Variants in DIAPH3 observed in about 807,000 individuals in gnomAD.
The protein encoded by DIAPH3 is diaphanous related formin 3, also known as protein diaphanous homolog 3.
A neutral mutation model predicts 144.3 loss-of-function variants in DIAPH3; 117 were observed. That is an observed-to-expected ratio of 0.81 (90% confidence interval 0.70 to 0.95). The LOEUF (loss-of-function observed/expected upper bound fraction) is 0.95, where lower values mean the gene tolerates loss of function less well. Among genes scored for constraint, DIAPH3 ranks in the 40% least tolerant of loss-of-function variants. The pLI, the probability that DIAPH3 is intolerant of heterozygous loss-of-function variation, is 0.00. For synonymous variants in DIAPH3, 519 were observed against 488.9 expected (o/e 1.06, Z -0.81); for missense variants, 1,421 against 1,412.7 (o/e 1.01, Z -0.09).
intron 2 of DIAPH3, among the ~76,000 whole-genome samples, chr13:60,118,735 G>A (rs2058759772): frequency 6.6e-6 from 1 of 152,188 alleles, no homozygotes; most frequent in African/African-American, 2.4e-5. Flanking sequence ...CACTTGCTTA[G>A]TGTGTTACCA....
intron 9 of DIAPH3, among the ~76,000 whole-genome samples, chr13:60,003,239 C>G (rs1446399999): frequency 6.6e-6 from 1 of 152,078 alleles, no homozygotes; most frequent in Admixed American, 6.6e-5. Context: ...CTACAGACCA[C>G]CCACATGATT....
intron 18 of DIAPH3, among the ~76,000 whole-genome samples, chr13:59,921,468 G>A (rs1449742911): frequency 6.6e-6 from 1 of 151,276 alleles, no homozygotes; most frequent in Non-Finnish European, 1.5e-5. Context: ...TCAATAAATT[G>A]GATAACCTAG....
At chr13:59,970,091 G>A (rs1277492230) in intron 16 of DIAPH3, 33 bp from the exon 17 acceptor site, 1 of 1,325,196 alleles carries the variant, frequency 7.5e-7, no homozygotes, top group East Asian at 2.4e-5. Flanking sequence ...TTCATCAATA[G>A]GTGAGTGTTT....
At chr13:59,802,974 G>A (rs941578638) in intron 25 of DIAPH3, among the ~76,000 whole-genome samples, 1 of 151,966 alleles carries the variant, frequency 6.6e-6, no homozygotes, top group African/African-American at 2.4e-5. Context: ...GTGAGCCACC[G>A]CGCCCAGCCG....
intron 27 of DIAPH3, among the ~76,000 whole-genome samples, chr13:59,742,653 A>AAAAGGAAAGG (rs1045790150): frequency 6.6e-6 from 1 of 151,816 alleles, no homozygotes; most frequent in East Asian, 1.9e-4. Flanking sequence ...GAAGGAAGGA[A>AAAAGGAAAGG]AAAGGAAAGG....
intron 20 of DIAPH3, among the ~76,000 whole-genome samples, chr13:59,898,551 T>C (rs1259621783): frequency 6.6e-6 from 1 of 152,272 alleles, no homozygotes; most frequent in Non-Finnish European, 1.5e-5. Flanking sequence ...TTTTCATATT[T>C]AAAATAAATA....
At chr13:59,740,686 G>T (rs1248041248) in intron 27 of DIAPH3, among the ~76,000 whole-genome samples, 1 of 152,086 alleles carries the variant, frequency 6.6e-6, no homozygotes, top group East Asian at 1.9e-4. Context: ...TATATAAAGG[G>T]TCAAGAAACG....
At chr13:60,149,821 C>G (rs1368602225) in intron 1 of DIAPH3, among the ~76,000 whole-genome samples, 1 of 150,972 alleles carries the variant, frequency 6.6e-6, no homozygotes, top group Non-Finnish European at 1.5e-5. Context: ...GGCTGCTCTG[C>G]CTATGGAGTA....
chr13:60,043,980 G>A (rs950860455), intron 4 of DIAPH3, among the ~76,000 whole-genome samples: 1 of 152,052 alleles, frequency 6.6e-6, no homozygotes, highest in African/African-American at 2.4e-5. Flanking sequence ...TAAAAAGTCT[G>A]AAGGAGATAA....
chr13:59,855,129 A>G (rs942298442), intron 22 of DIAPH3, among the ~76,000 whole-genome samples: 11 of 152,150 alleles, frequency 7.2e-5, no homozygotes, highest in African/African-American at 2.7e-4. Context: ...TTATATTTGC[A>G]CTGCAAAATG....
rs536717956 is a variant in DIAPH3 at position 59,793,268 on chromosome 13, G to A, written c.3163+17520C>T. Among the ~76,000 whole-genome samples, 5 of 152,120 alleles carry A rather than the reference G, an allele frequency of 3.3e-5. No individual in the cohort carries two copies. The East Asian group carries it at 9.7e-4, about 29-fold the overall frequency. On this transcript the variant is annotated intron_variant, in intron 25 of 27. Transcript: ENST00000400324. The stretch of plus-strand genomic sequence containing the variant: ...TCCACCCCTCCTGCCGCCCTCAGAA[G>A]TTTACTCCATTGATTGTCATTCTCT...
intron 2 of DIAPH3, 53 bp downstream of exon 2, chr13:60,132,904 G>A (rs144540677): frequency 1.2e-4 from 169 of 1,450,802 alleles, no homozygotes; most frequent in East Asian, 1.6e-4. Context: ...CACCATCAAC[G>A]TTATATGGTT....
chr13:59,745,479 A>C lies in DIAPH3; in HGVS notation c.3319+28710T>G, dbSNP rs184318364. Among the ~76,000 whole-genome samples the C allele has an allele frequency of 4.6e-5, 7 of 152,072 alleles. No homozygotes were observed. In the East Asian group the frequency reaches 1.4e-3, roughly 29 times the overall value. ...GGTAGAGAAAGGAAATTGACTCACA[A>C]AAAAAAATGACTAGTGTTTGTAATA... On this transcript the variant is annotated intron_variant, in intron 27 of 27. Transcript: ENST00000400324.
At chr13:59,899,273 T>C (rs1034809385) in intron 20 of DIAPH3, among the ~76,000 whole-genome samples, 4 of 152,248 alleles carry the variant, frequency 2.6e-5, no homozygotes, top group Non-Finnish European at 5.9e-5. Flanking sequence ...AAACTCCCTT[T>C]CATATATACA....
At chr13:60,102,508 G>GA (rs1340593468) in intron 3 of DIAPH3, among the ~76,000 whole-genome samples, 1 of 152,140 alleles carries the variant, frequency 6.6e-6, no homozygotes, top group African/African-American at 2.4e-5. Flanking sequence ...ACAAACATGA[G>GA]ATGCAGGTAA....
chr13:59,890,607 C>T (rs1340933043), intron 20 of DIAPH3, among the ~76,000 whole-genome samples: 1 of 151,528 alleles, frequency 6.6e-6, no homozygotes, highest in Non-Finnish European at 1.5e-5. Flanking sequence ...AATCCTGTAC[C>T]CAAATTAAAC....
rs370177105 is a variant in DIAPH3 at position 60,025,404 on chromosome 13, C to CAAAAAAA, written c.627-9266_627-9260dup. Among the ~76,000 whole-genome samples the CAAAAAAA allele has an allele frequency of 2.1e-4, 14 of 68,112 alleles. 1 individual carries two copies. The East Asian group carries it at 2.4e-3, about 12-fold the overall frequency. The allele number at this position is 68,112 out of a possible 152,430, so 44.7% of individuals were successfully genotyped here. On this transcript the variant is annotated intron_variant, in intron 5 of 27. Transcript: ENST00000400324. ...GTCCAGTATTTCTAGTTGTGCTTAGCAAAAAAAAAAAAAAAAAGGAAATAG... is the reference window on the plus strand; with the variant it reads ...GTCCAGTATTTCTAGTTGTGCTTAGCAAAAAAAAAAAAAAAAAAAAAAAAGGAAATAG...
chr13:60,025,100 C>T (rs2054287341), intron 5 of DIAPH3, among the ~76,000 whole-genome samples: 1 of 151,934 alleles, frequency 6.6e-6, no homozygotes, highest in Non-Finnish European at 1.5e-5. Context: ...GGGGATGGGG[C>T]CACATATTTT....
intron 13 of DIAPH3, among the ~76,000 whole-genome samples, chr13:59,982,596 A>C (rs1228433495): frequency 6.6e-6 from 1 of 151,670 alleles, no homozygotes; most frequent in Non-Finnish European, 1.5e-5. Context: ...GTGTATTTTA[A>C]TAGCCTTTTC....
Sources: gnomAD v4.1 joint callset for allele counts (sites outside exome capture counted in the v4.1 genomes callset) on GRCh38, gnomAD v4.1.1 for gene constraint, MANE v1.5 for transcripts, NCBI Gene and HGNC (gene_info 2026-07-23, HGNC 2026-07-21) for gene names.